Variants in OCA2 observed in about 807,000 individuals in gnomAD.
OCA2 encodes the protein P protein.
A neutral mutation model predicts 100.2 loss-of-function variants in OCA2; 77 were observed. That is an observed-to-expected ratio of 0.77 (90% CI 0.64 to 0.93). OCA2 has a LOEUF of 0.93. OCA2 is among the 40% of genes least tolerant of loss of function. OCA2 has a pLI of 0.00. For missense variants in OCA2, 1,062 were observed against 1,089.1 expected, an observed-to-expected ratio of 0.98 and a Z score of 0.35; for synonymous variants, 432 against 439.2, an observed-to-expected ratio of 0.98 and a Z score of 0.21.
chr15:28,059,870 G>C (rs911945914), intron 2 of OCA2, among the ~76,000 whole-genome samples: 1 of 152,182 alleles, frequency 6.6e-6, no homozygotes, highest in African/African-American at 2.4e-5. Context: ...AAGTCAATTA[G>C]TACTTACTCC....
At chr15:27,897,236 G>A (rs2037741593) in intron 19 of OCA2, among the ~76,000 whole-genome samples, 1 of 151,928 alleles carries the variant, frequency 6.6e-6, no homozygotes, top group African/African-American at 2.4e-5. Context: ...CCCATCACAG[G>A]CCCAGAGGCC....
chr15:28,005,101 G>A (rs1256060243), intron 9 of OCA2, among the ~76,000 whole-genome samples: 1 of 152,174 alleles, frequency 6.6e-6, no homozygotes, highest in Admixed American at 6.5e-5. Context: ...GCGTCCAGGA[G>A]GCAGGCAGGC....
chr15:28,000,998 T>C (rs747601914), intron 9 of OCA2, among the ~76,000 whole-genome samples: 1 of 152,124 alleles, frequency 6.6e-6, no homozygotes, highest in Non-Finnish European at 1.5e-5. Flanking sequence ...GGAACCCTAG[T>C]ATGCTGTGGG....
At chr15:27,728,648 C>G in the OCA2 span, among the ~76,000 whole-genome samples, 1 of 152,204 alleles carries the variant, frequency 6.6e-6, no homozygotes, top group Non-Finnish European at 1.5e-5. Context: ...TCTACTTTTC[C>G]TTTGCGGAGA....
chr15:27,860,500 T>G (rs1052077647), intron 21 of OCA2, among the ~76,000 whole-genome samples: 5 of 152,182 alleles, frequency 3.3e-5, no homozygotes, highest in African/African-American at 4.8e-5. Context: ...CCCTTCTTTG[T>G]GTCATATGTA....
intron 9 of OCA2, among the ~76,000 whole-genome samples, chr15:28,009,561 G>A (rs942243570): frequency 3.3e-5 from 5 of 151,990 alleles, no homozygotes; most frequent in East Asian, 1.9e-4. Context: ...GATGGTATGC[G>A]CCTGTGGTCT....
chr15:28,051,789 G>A (rs1368155433), intron 2 of OCA2, among the ~76,000 whole-genome samples: 2 of 151,848 alleles, frequency 1.3e-5, no homozygotes, highest in African/African-American at 4.8e-5. Context: ...GGGACCATGG[G>A]ATGCTTGGGC....
intron 19 of OCA2, among the ~76,000 whole-genome samples, chr15:27,892,328 C>T (rs116402887): frequency 0.016 from 2,374 of 151,350 alleles, 55 homozygotes; most frequent in African/African-American, 0.05. Flanking sequence ...AAAAAAATTC[C>T]GCAAATGTAA....
At chr15:27,921,418 CA>C (rs1286371350) in intron 19 of OCA2, among the ~76,000 whole-genome samples, 1 of 151,920 alleles carries the variant, frequency 6.6e-6, no homozygotes, top group Non-Finnish European at 1.5e-5. Context: ...AATTTGTTTC[CA>C]AAAGATTTGC....
chr15:27,905,163 C>CAAAAAAAAAAAAAAAAA (rs35906783), intron 19 of OCA2, among the ~76,000 whole-genome samples: 1 of 114,642 alleles, frequency 8.7e-6, no homozygotes. Flanking sequence ...GACTCCACCT[C>CAAAAAAAAAAAAAAAAA]AAAAAAAAAA....
chr15:27,804,496 T>C (rs951018061), intron 23 of OCA2, among the ~76,000 whole-genome samples: 1 of 152,192 alleles, frequency 6.6e-6, no homozygotes. Context: ...GGAAATAGAA[T>C]CATTTCTTAG....
chr15:28,067,298 A>AT (rs1195139008), intron 2 of OCA2, among the ~76,000 whole-genome samples: 2 of 152,152 alleles, frequency 1.3e-5, no homozygotes, highest in East Asian at 3.9e-4. Flanking sequence ...AATCTTAGTT[A>AT]TTTTTTTGAA....
At chr15:27,732,833 C>G in the OCA2 span, among the ~76,000 whole-genome samples, 7 of 152,286 alleles carry the variant, frequency 4.6e-5, no homozygotes, top group Admixed American at 3.3e-4. Flanking sequence ...GAGATAATAA[C>G]TTACAAAAAT....
intron 19 of OCA2, among the ~76,000 whole-genome samples, chr15:27,878,514 C>A (rs2036882115): frequency 6.6e-6 from 1 of 152,124 alleles, no homozygotes; most frequent in South Asian, 2.1e-4. Context: ...TTTCTTTCAG[C>A]ACTTAAAGAA....
intron 1 of OCA2, among the ~76,000 whole-genome samples, chr15:28,084,206 C>A (rs1168159638): frequency 6.6e-6 from 1 of 152,236 alleles, no homozygotes; most frequent in Non-Finnish European, 1.5e-5. Flanking sequence ...GACACGGAAT[C>A]TGTTGGTGCT....
At chr15:27,854,919 A>G (rs1234116331) in intron 21 of OCA2, among the ~76,000 whole-genome samples, 2 of 152,142 alleles carry the variant, frequency 1.3e-5, no homozygotes, top group Non-Finnish European at 2.9e-5. Flanking sequence ...TCAAGGGAGG[A>G]GGCAATGTCT....
At chr15:28,032,728 G>A (rs2042942436) in intron 2 of OCA2, among the ~76,000 whole-genome samples, 1 of 150,736 alleles carries the variant, frequency 6.6e-6, no homozygotes, top group Non-Finnish European at 1.5e-5. Flanking sequence ...GGGAGGCGGA[G>A]GTTGCAGTGA....
intron 19 of OCA2, among the ~76,000 whole-genome samples, chr15:27,910,771 T>G (rs1383588406): frequency 6.6e-6 from 1 of 151,214 alleles, no homozygotes; most frequent in Non-Finnish European, 1.5e-5. Context: ...GCCTAACCAA[T>G]GCAGTGAAAC....
the OCA2 span, among the ~76,000 whole-genome samples, chr15:27,731,402 A>G: frequency 2.0e-5 from 3 of 152,334 alleles, no homozygotes; most frequent in Non-Finnish European, 4.4e-5. Flanking sequence ...TTCAAATTAC[A>G]TATCTCTTTT....
Sources: allele counts gnomAD v4.1 joint callset (sites outside exome capture counted in the v4.1 genomes callset), GRCh38; gene constraint gnomAD v4.1.1; transcripts MANE v1.5; gene names NCBI Gene and HGNC (gene_info 2026-07-23, HGNC 2026-07-21).